SAMD5: variants seen among roughly 807,000 people sequenced by gnomAD.
SAMD5 encodes sterile alpha motif domain-containing protein 5.
A neutral mutation model predicts 11.3 loss-of-function variants in SAMD5; 13 were observed. That is an observed-to-expected ratio of 1.15 (90% CI 0.75 to 1.83). The LOEUF (loss-of-function observed/expected upper bound fraction) is 1.83. Ranked by LOEUF, SAMD5 falls within the 40% of genes most tolerant of loss-of-function variation. SAMD5 has a pLI of 0.00. For synonymous variants in SAMD5, 129 were observed against 111.3 expected (o/e 1.16, Z -1.00); for missense variants, 255 against 239.1 (o/e 1.07, Z -0.44).
At chr6:147,671,676 C>T (rs142944402) in intron 1 of SAMD5, among the ~76,000 whole-genome samples, 1 of 152,104 alleles carries the variant, frequency 6.6e-6, no homozygotes, top group African/African-American at 2.4e-5. Flanking sequence ...ACAAGCCACC[C>T]ATTACTTAAT....
At chr6:147,602,511 A>G (rs1309359335) in intron 1 of SAMD5, among the ~76,000 whole-genome samples, 1 of 152,220 alleles carries the variant, frequency 6.6e-6, no homozygotes, top group Non-Finnish European at 1.5e-5. Flanking sequence ...TGGGAGGCCA[A>G]GGTGGGTGGA....
intron 1 of SAMD5, among the ~76,000 whole-genome samples, chr6:147,560,667 T>G (rs1788933203): frequency 6.6e-6 from 1 of 152,202 alleles, no homozygotes; most frequent in Non-Finnish European, 1.5e-5. Flanking sequence ...AGACTTGAAG[T>G]CAGTTAAAAA....
intron 1 of SAMD5, among the ~76,000 whole-genome samples, chr6:147,697,614 AT>A (rs1178208290): frequency 1.3e-5 from 2 of 152,216 alleles, no homozygotes; most frequent in African/African-American, 2.4e-5. Context: ...CAATAAAAAA[AT>A]CTATAAAAAA....
At chr6:147,944,730 G>A in the SAMD5 span, among the ~76,000 whole-genome samples, 17 of 152,248 alleles carry the variant, frequency 1.1e-4, no homozygotes, top group East Asian at 1.7e-3. Context: ...AACTGTTGTC[G>A]AAATTTCTTC....
At chr6:147,687,799 G>C (rs1448628999) in intron 1 of SAMD5, among the ~76,000 whole-genome samples, 1 of 152,222 alleles carries the variant, frequency 6.6e-6, no homozygotes, top group Non-Finnish European at 1.5e-5. Context: ...AGTTTCTGCT[G>C]AGAAGTCAGC....
At chr6:147,932,588 TTGTGTG>T in the SAMD5 span, among the ~76,000 whole-genome samples, 18,989 of 130,906 alleles carry the variant, frequency 0.15, 1,255 homozygotes, top group East Asian at 0.22. Flanking sequence ...TCTTACAGAA[TTGTGTG>T]TGTGTGTGTG....
At chr6:147,900,263 C>A in the SAMD5 span, among the ~76,000 whole-genome samples, 49 of 152,268 alleles carry the variant, frequency 3.2e-4, no homozygotes, top group East Asian at 5.4e-3. Context: ...CTTCCATACA[C>A]CAAAATGGCT....
the SAMD5 span, among the ~76,000 whole-genome samples, chr6:147,806,755 T>C: frequency 6.6e-6 from 1 of 152,180 alleles, no homozygotes; most frequent in Non-Finnish European, 1.5e-5. Context: ...GTGCTGTGGA[T>C]TGAATTACAT....
chr6:147,908,354 G>A, the SAMD5 span, among the ~76,000 whole-genome samples: 973 of 152,274 alleles, frequency 6.4e-3, 13 homozygotes, highest in African/African-American at 0.022. Flanking sequence ...GTTTGTGTGT[G>A]GATGCAGGGC....
the SAMD5 span, among the ~76,000 whole-genome samples, chr6:147,861,925 C>T: frequency 7.2e-5 from 11 of 152,140 alleles, no homozygotes; most frequent in Non-Finnish European, 1.6e-4. Flanking sequence ...AGCATAGCGC[C>T]TTGCACATAA....
At chr6:147,681,471 ACT>A (rs894741289) in intron 1 of SAMD5, among the ~76,000 whole-genome samples, 1 of 151,114 alleles carries the variant, frequency 6.6e-6, no homozygotes. Flanking sequence ...AGTTATAGTA[ACT>A]CTTTTTAATG....
intron 1 of SAMD5, among the ~76,000 whole-genome samples, chr6:147,593,143 C>T (rs1789480692): frequency 6.6e-6 from 1 of 152,120 alleles, no homozygotes. Flanking sequence ...GAATCCAGCA[C>T]TCATGCATTT....
At chr6:147,642,647 A>G (rs1446731265) in intron 1 of SAMD5, among the ~76,000 whole-genome samples, 1 of 152,208 alleles carries the variant, frequency 6.6e-6, no homozygotes, top group Non-Finnish European at 1.5e-5. Flanking sequence ...TCCAGATAAG[A>G]AAAATAAAAC....
chr6:147,556,195 C>T (rs1373763054), intron 1 of SAMD5, among the ~76,000 whole-genome samples: 1 of 151,892 alleles, frequency 6.6e-6, no homozygotes, highest in East Asian at 1.9e-4. Flanking sequence ...TGGGCTCATG[C>T]CATTCTCCCG....
At chr6:147,860,156 T>C in the SAMD5 span, among the ~76,000 whole-genome samples, 1 of 152,124 alleles carries the variant, frequency 6.6e-6, no homozygotes, top group Non-Finnish European at 1.5e-5. Context: ...TCTTGCTTTC[T>C]TGGTTGCTGG....
At chr6:147,689,417 TC>T (rs1227729953) in intron 1 of SAMD5, among the ~76,000 whole-genome samples, 1 of 149,402 alleles carries the variant, frequency 6.7e-6, no homozygotes, top group Non-Finnish European at 1.5e-5. Flanking sequence ...AATGAATCTC[TC>T]TGAGTATCAT....
At chr6:147,737,471 T>C (rs1416470334) in exon 2 of SAMD5, 1 of 499,260 alleles carries the variant, frequency 2.0e-6, no homozygotes, top group East Asian at 7.5e-5. Context: ...TGTGTGTTGT[T>C]TTGCCAGAAT....
chr6:147,907,008 C>G, the SAMD5 span, among the ~76,000 whole-genome samples: 1 of 152,186 alleles, frequency 6.6e-6, no homozygotes, highest in African/African-American at 2.4e-5. Flanking sequence ...CATTTTGATG[C>G]TTGAGGTCTG....
At chr6:147,805,101 A>G in the SAMD5 span, among the ~76,000 whole-genome samples, 1 of 152,250 alleles carries the variant, frequency 6.6e-6, no homozygotes, top group Non-Finnish European at 1.5e-5. Context: ...TATCCTCTTC[A>G]AATGGGGTTT....
Sources: allele counts gnomAD v4.1 joint callset (sites outside exome capture counted in the v4.1 genomes callset), GRCh38; gene constraint gnomAD v4.1.1; transcripts MANE v1.5; gene names NCBI Gene and HGNC (gene_info 2026-07-23, HGNC 2026-07-21).